The following HS6ST2 variants were observed in gnomAD, a reference collection of about 807,000 sequenced individuals.
HS6ST2 encodes the protein heparan-sulfate 6-O-sulfotransferase 2.
In HS6ST2, 17 loss-of-function variants were observed where a neutral mutation model predicts 33.0. That is an observed-to-expected ratio of 0.52 (90% CI 0.35 to 0.77). The LOEUF is 0.77. Ranked by LOEUF, HS6ST2 falls within the 30% of genes least tolerant of loss-of-function variation. The pLI, the probability that HS6ST2 is intolerant of heterozygous loss-of-function variation, is 0.01. For synonymous variants in HS6ST2, 248 were observed against 237.1 expected (o/e 1.05, Z -0.42); for missense variants, 519 against 551.7 (o/e 0.94, Z 0.59).
At chrX:132,837,753 C>T (rs2065658985) in intron 2 of HS6ST2, among the ~76,000 whole-genome samples, 1 of 111,879 alleles carries the variant, frequency 8.9e-6, no homozygotes. Context: ...CTGCAGGTGC[C>T]CAAGGAGAGT....
intron 2 of HS6ST2, among the ~76,000 whole-genome samples, chrX:132,909,500 G>C (rs10521777): frequency 0.026 from 2,961 of 112,120 alleles, 37 homozygotes; most frequent in Non-Finnish European, 0.041. Flanking sequence ...CCTTTATTAA[G>C]AGCTATTGAT....
At chrX:132,710,072 T>C (rs914003501) in intron 2 of HS6ST2, among the ~76,000 whole-genome samples, 1 of 111,391 alleles carries the variant, frequency 9.0e-6, no homozygotes, top group African/African-American at 3.3e-5. Flanking sequence ...CTAGGTAAAC[T>C]TCTTGACTGC....
At chrX:132,669,818 C>G (rs754313808) in intron 3 of HS6ST2, 13 of 112,464 alleles carry the variant, frequency 1.2e-4, no homozygotes, top group Admixed American at 6.6e-4. Flanking sequence ...GAAACAATTA[C>G]GAAATAAATC....
chrX:132,743,756 G>GT (rs2064606522), intron 2 of HS6ST2, among the ~76,000 whole-genome samples: 1 of 111,470 alleles, frequency 9.0e-6, no homozygotes, highest in South Asian at 3.8e-4. Flanking sequence ...CAATTGCAGC[G>GT]TTTTTTGTTT....
intron 4 of HS6ST2, among the ~76,000 whole-genome samples, chrX:132,645,829 G>A (rs772140717): frequency 8.9e-6 from 1 of 112,160 alleles, no homozygotes; most frequent in Admixed American, 9.4e-5. Flanking sequence ...CTTTTGAAAG[G>A]AATAGCACCC....
intron 2 of HS6ST2, among the ~76,000 whole-genome samples, chrX:132,947,635 TTG>T (rs1014892396): frequency 8.0e-5 from 9 of 111,970 alleles, no homozygotes; most frequent in Admixed American, 3.8e-4. Context: ...CCAATCCTTT[TTG>T]TGTGCTTTAT....
intron 2 of HS6ST2, among the ~76,000 whole-genome samples, chrX:132,946,219 C>G (rs954863639): frequency 3.6e-5 from 4 of 111,690 alleles, no homozygotes; most frequent in Non-Finnish European, 7.5e-5. Context: ...TGTGGTGATT[C>G]CTCAAGGATC....
intron 2 of HS6ST2, among the ~76,000 whole-genome samples, chrX:132,797,968 G>A (rs1228762424): frequency 6.0e-5 from 6 of 100,540 alleles, no homozygotes; most frequent in South Asian, 4.9e-4. Flanking sequence ...AGCCCAGATC[G>A]CGCCTCTGCA....
chrX:132,796,778 G>A (rs775216423), intron 2 of HS6ST2, among the ~76,000 whole-genome samples: 33 of 112,162 alleles, frequency 2.9e-4, no homozygotes, highest in Non-Finnish European at 5.6e-4. Context: ...TGGAGCAAGG[G>A]CAACAGAGCA....
chrX:132,865,678 T>G (rs1485295656), intron 2 of HS6ST2, among the ~76,000 whole-genome samples: 2 of 112,069 alleles, frequency 1.8e-5, no homozygotes, highest in Non-Finnish European at 3.8e-5. Context: ...TTCTAACTGG[T>G]GTGAGATGAT....
intron 4 of HS6ST2, 78 bp downstream of exon 4, chrX:132,669,035 T>A: frequency 1.6e-6 from 1 of 630,117 alleles, no homozygotes; most frequent in Non-Finnish European, 2.6e-6. Flanking sequence ...TGAATGAATA[T>A]GAATAAATGA....
intron 2 of HS6ST2, among the ~76,000 whole-genome samples, chrX:132,740,693 A>T (rs1199955886): frequency 9.1e-6 from 1 of 110,450 alleles, no homozygotes; most frequent in Non-Finnish European, 1.9e-5. Flanking sequence ...TCAGCCATGC[A>T]GTTCCCAATA....
chrX:132,855,643 A>C (rs1242776948), intron 2 of HS6ST2, among the ~76,000 whole-genome samples: 1 of 111,871 alleles, frequency 8.9e-6, no homozygotes, highest in Non-Finnish European at 1.9e-5. Context: ...CATTAACAAT[A>C]ATAAACAGTT....
chrX:132,919,312 G>A (rs767147439), intron 2 of HS6ST2, among the ~76,000 whole-genome samples: 13 of 112,044 alleles, frequency 1.2e-4, no homozygotes, highest in Non-Finnish European at 2.4e-4. Context: ...CAAATTTCCT[G>A]TACCATAAAG....
At chrX:132,813,863 A>G (rs1215845662) in intron 2 of HS6ST2, among the ~76,000 whole-genome samples, 4 of 112,162 alleles carry the variant, frequency 3.6e-5, no homozygotes, top group Non-Finnish European at 7.5e-5. Context: ...GCAAATAAAT[A>G]AGTGAATAAA....
At chrX:132,671,472 G>C (rs2063878539) in intron 3 of HS6ST2, among the ~76,000 whole-genome samples, 1 of 87,067 alleles carries the variant, frequency 1.1e-5, no homozygotes, top group Non-Finnish European at 2.3e-5. Flanking sequence ...TTTTGATAAA[G>C]CAAAATCCCC....
At chrX:132,690,356 G>A (rs1457396652) in intron 3 of HS6ST2, among the ~76,000 whole-genome samples, 1 of 112,047 alleles carries the variant, frequency 8.9e-6, no homozygotes, top group Non-Finnish European at 1.9e-5. Flanking sequence ...GAAATGGAAA[G>A]AGTCTTCAAT....
intron 2 of HS6ST2, among the ~76,000 whole-genome samples, chrX:132,859,445 G>A (rs764578831): frequency 5.4e-5 from 6 of 110,900 alleles, no homozygotes; most frequent in East Asian, 2.9e-4. Flanking sequence ...ACATGCACTC[G>A]AAAGAGCCCC....
intron 2 of HS6ST2, among the ~76,000 whole-genome samples, chrX:132,758,950 T>C (rs751941937): frequency 2.7e-5 from 3 of 111,615 alleles, no homozygotes; most frequent in South Asian, 3.8e-4. Context: ...CCAGCTCCAC[T>C]GTATTTGAGT....
Sources: allele counts gnomAD v4.1 joint callset (sites outside exome capture counted in the v4.1 genomes callset), GRCh38; gene constraint gnomAD v4.1.1; transcripts MANE v1.5; gene names NCBI Gene and HGNC (gene_info 2026-07-23, HGNC 2026-07-21).